Variants in TMEM26 observed in about 807,000 individuals in gnomAD.
The protein encoded by TMEM26 is transmembrane protein 26.
TMEM26 carries 38 observed loss-of-function variants against 28.8 expected under a neutral mutation model. The observed-to-expected ratio is 1.32, with a 90% CI of 1.02 to 1.73. TMEM26 has a LOEUF of 1.73. TMEM26 is among the 40% of genes most tolerant of loss of function. TMEM26 has a pLI of 0.00. For synonymous variants in TMEM26, 227 were observed against 182.9 expected (o/e 1.24, Z -1.95); for missense variants, 518 against 447.1 (o/e 1.16, Z -1.43).
intron 1 of TMEM26, among the ~76,000 whole-genome samples, chr10:61,445,240 G>C (rs907955754): frequency 6.6e-6 from 1 of 152,160 alleles, no homozygotes; most frequent in Non-Finnish European, 1.5e-5. Flanking sequence ...TTAAGAGACT[G>C]TCTGAGAATG....
intron 5 of TMEM26, among the ~76,000 whole-genome samples, chr10:61,411,304 A>T (rs1459952473): frequency 6.6e-6 from 1 of 152,112 alleles, no homozygotes; most frequent in Non-Finnish European, 1.5e-5. Flanking sequence ...TCATTGGCTC[A>T]TTTTGTTTCC....
chr10:61,429,485 A>C (rs943285928), intron 3 of TMEM26, among the ~76,000 whole-genome samples: 2 of 152,030 alleles, frequency 1.3e-5, no homozygotes, highest in African/African-American at 4.8e-5. Context: ...AACACATAGC[A>C]AAGTTTTATA....
At chr10:61,448,862 T>G (rs1047534852) in intron 1 of TMEM26, among the ~76,000 whole-genome samples, 4 of 152,206 alleles carry the variant, frequency 2.6e-5, no homozygotes, top group Non-Finnish European at 4.4e-5. Context: ...GCCAGTAAGT[T>G]CAACCTAGCT....
chr10:61,437,951 C>T (rs1486308376), intron 1 of TMEM26, among the ~76,000 whole-genome samples: 1 of 151,966 alleles, frequency 6.6e-6, no homozygotes, highest in African/African-American at 2.4e-5. Flanking sequence ...AATTGCTCAA[C>T]AAATAGAATT....
chr10:61,415,023 C>G (rs1839628173), intron 4 of TMEM26: 1 of 985,222 alleles, frequency 1.0e-6, no homozygotes, highest in African/African-American at 1.7e-5. Context: ...TGATTCTTTT[C>G]TACTTCACAT....
chr10:61,445,214 A>T (rs1408343531), intron 1 of TMEM26, among the ~76,000 whole-genome samples: 1 of 152,178 alleles, frequency 6.6e-6, no homozygotes, highest in Admixed American at 6.5e-5. Flanking sequence ...TTTCATCACC[A>T]TCGTCATCAC....
At chr10:61,427,204 A>G (rs755233958) in intron 4 of TMEM26, among the ~76,000 whole-genome samples, 6 of 152,146 alleles carry the variant, frequency 3.9e-5, no homozygotes, top group South Asian at 2.1e-4. Context: ...TTAAAATTAT[A>G]AAAATACATA....
rs961953713 is a variant in TMEM26 at position 61,429,030 on chromosome 10, G to A, written c.501C>T (p.Gly167=). The part of the protein sequence containing the change: ...IIGRWLLPIG[G]GITRDQLSQL... ...GAGAGAGTTGATCTCGAGTGATCCC[G>A]CCTCCAATGGGTAGAAGCCATCTTC... is the stretch of plus-strand genomic sequence containing the variant. The change falls in exon 4 of 6, where the codon GGC becomes GGT. Residue 167 remains glycine (G), a synonymous_variant. Transcript: ENST00000399298. The A allele has an allele frequency of 6.2e-6, 10 of 1,613,132 alleles. No homozygotes were observed. Among genetic ancestry groups the A allele is most frequent in the African/African-American group, 4.0e-5 (3 of 74,840 alleles).
chr10:61,452,402 G>C (rs1840301972), intron 1 of TMEM26, among the ~76,000 whole-genome samples: 1 of 152,272 alleles, frequency 6.6e-6, no homozygotes, highest in Non-Finnish European at 1.5e-5. Context: ...GACGTGCAGC[G>C]AGGGTCTTCT....
rs946900800 is a variant in TMEM26, at chr10:61,436,217, T to A, written c.223A>T (p.Ser75Cys). ...FSPAIFLYLI[S>C]IVPSLWLLEL... ...AGAAGCCATAATGATGGAACGATGC[T>A]AATCAGATATAAAAATATGGCTGGT... is the stretch of plus-strand genomic sequence containing the variant. Residue 75 changes from serine (S) to cysteine (C), a missense_variant, in exon 2 of 6, where the codon AGC becomes TGC. Coordinates refer to ENST00000399298, the MANE Select transcript of TMEM26 (RefSeq NM_178505.8). 1.2e-6 allele frequency: 2 copies of A among 1,607,222 alleles called. No homozygotes were observed. The highest frequency in any genetic ancestry group is 1.7e-6 in the Non-Finnish European group (2 of 1,176,794).
At position 61,408,809 on chromosome 10, in the gene TMEM26, A is replaced by C. The variant is rs148001964; in HGVS notation, c.*1513T>G. On this transcript the variant is annotated 3_prime_UTR_variant, in exon 6 of 6. Transcript: ENST00000399298. ...GGAAGAAAGAAATAAAAAACATATA[A>C]CAATGGCACTGAAGAAGCCATTTAT... is the stretch of plus-strand genomic sequence containing the variant. 1.2e-4 allele frequency: 18 copies of C among 152,362 alleles called. No homozygotes were observed. Among genetic ancestry groups the C allele is most frequent in the African/African-American group, 4.3e-4 (18 of 41,580 alleles). 9.4% of individuals were successfully genotyped at this position (152,362 alleles called of 1,614,324 possible). A position where few individuals can be genotyped will look rare whatever the true frequency, so the allele number is the denominator to read the frequency against.
intron 2 of TMEM26, among the ~76,000 whole-genome samples, 190 bp downstream of exon 2, chr10:61,435,979 AT>A (rs920463981): frequency 5.9e-5 from 9 of 152,068 alleles, no homozygotes; most frequent in Admixed American, 5.2e-4. Context: ...CATAAATGTA[AT>A]TTTTTTATTG....
At chr10:61,450,565 C>A (rs1840259886) in intron 1 of TMEM26, among the ~76,000 whole-genome samples, 1 of 152,064 alleles carries the variant, frequency 6.6e-6, no homozygotes, top group Non-Finnish European at 1.5e-5. Flanking sequence ...TAGAATAAAG[C>A]ATTATTAATC....
chr10:61,437,020 A>G (rs188282759), intron 1 of TMEM26, among the ~76,000 whole-genome samples: 99 of 152,314 alleles, frequency 6.5e-4, no homozygotes, highest in African/African-American at 2.3e-3. Context: ...ACCATAGACT[A>G]TGTGACTTAA....
At chr10:61,442,120 T>TGTCAG (rs1840104712) in intron 1 of TMEM26, among the ~76,000 whole-genome samples, 1 of 152,188 alleles carries the variant, frequency 6.6e-6, no homozygotes, top group Non-Finnish European at 1.5e-5. Flanking sequence ...TTTAAAAGCT[T>TGTCAG]TACTCATTGC....
At chr10:61,422,313 C>T (rs1003073291) in intron 4 of TMEM26, among the ~76,000 whole-genome samples, 1 of 152,010 alleles carries the variant, frequency 6.6e-6, no homozygotes, top group African/African-American at 2.4e-5. Flanking sequence ...GGTGATGTAA[C>T]TAACATTTTA....
intron 1 of TMEM26, among the ~76,000 whole-genome samples, chr10:61,443,169 C>T (rs1254520889): frequency 6.6e-6 from 1 of 151,920 alleles, no homozygotes; most frequent in Non-Finnish European, 1.5e-5. Flanking sequence ...GTGCCAAGAT[C>T]AGGCCCGGTG....
chr10:61,412,351 C>T (rs1194633335), intron 5 of TMEM26, among the ~76,000 whole-genome samples: 1 of 151,938 alleles, frequency 6.6e-6, no homozygotes, highest in East Asian at 1.9e-4. Context: ...TCCATCTATT[C>T]CAAATTGTTA....
chr10:61,439,805 G>A (rs2135325406), intron 1 of TMEM26, among the ~76,000 whole-genome samples: 1 of 152,254 alleles, frequency 6.6e-6, no homozygotes, highest in East Asian at 1.9e-4. Flanking sequence ...GCTTTGCCTA[G>A]ACTCAGCTCT....
Sources: allele counts gnomAD v4.1 joint callset (sites outside exome capture counted in the v4.1 genomes callset), GRCh38; gene constraint gnomAD v4.1.1; transcripts MANE v1.5; gene names NCBI Gene and HGNC (gene_info 2026-07-23, HGNC 2026-07-21).